Variants in ADARB2 observed in about 807,000 individuals in gnomAD.
ADARB2 encodes the protein adenosine deaminase RNA specific B2 (inactive).
A neutral mutation model predicts 62.2 loss-of-function variants in ADARB2; 25 were observed. The ratio of observed to expected loss-of-function variants is 0.40; its 90% CI spans 0.29 to 0.56. The LOEUF (loss-of-function observed/expected upper bound fraction) is 0.56. Ranked by LOEUF, ADARB2 falls within the 20% of genes least tolerant of loss-of-function variation. The pLI is 0.43. For synonymous variants in ADARB2, 572 were observed against 500.8 expected (o/e 1.14, Z -1.90); for missense variants, 1,071 against 1,077.4 (o/e 0.99, Z 0.08).
chr10:1,626,222 G>A (rs1333791254), intron 1 of ADARB2, among the ~76,000 whole-genome samples: 1 of 144,152 alleles, frequency 6.9e-6, no homozygotes, highest in African/African-American at 2.7e-5. Context: ...ATGGACACAG[G>A]CCTCCACTGG....
intron 1 of ADARB2, among the ~76,000 whole-genome samples, chr10:1,422,114 C>T (rs1832856959): frequency 6.6e-6 from 1 of 152,226 alleles, no homozygotes. Context: ...TGGCAACAGA[C>T]TTGGCTCTTA....
chr10:1,715,070 C>T (rs1835001581), intron 1 of ADARB2, among the ~76,000 whole-genome samples: 1 of 145,372 alleles, frequency 6.9e-6, no homozygotes, highest in Non-Finnish European at 1.5e-5. Context: ...ATCATCATAG[C>T]CAATTAGTGA....
At chr10:1,215,423 A>G (rs1318666451) in intron 7 of ADARB2, among the ~76,000 whole-genome samples, 1 of 152,168 alleles carries the variant, frequency 6.6e-6, no homozygotes, top group African/African-American at 2.4e-5. Flanking sequence ...CCTCCATGCA[A>G]GCATCAGAGG....
intron 1 of ADARB2, among the ~76,000 whole-genome samples, chr10:1,676,664 T>C (rs1834470176): frequency 6.6e-6 from 1 of 152,206 alleles, no homozygotes; most frequent in Admixed American, 6.5e-5. Flanking sequence ...CCCTGTCATT[T>C]TTATCTCAAT....
At chr10:1,528,883 G>A (rs1051576574) in intron 1 of ADARB2, among the ~76,000 whole-genome samples, 12 of 152,176 alleles carry the variant, frequency 7.9e-5, no homozygotes, top group Non-Finnish European at 2.9e-5. Context: ...AGCGGGATCT[G>A]CCCTCTATGA....
intron 1 of ADARB2, among the ~76,000 whole-genome samples, chr10:1,561,813 C>T (rs1398811176): frequency 2.6e-5 from 4 of 152,204 alleles, no homozygotes; most frequent in African/African-American, 7.2e-5. Context: ...GGCCTAGAGC[C>T]GCTTTCCCCA....
intron 7 of ADARB2, among the ~76,000 whole-genome samples, chr10:1,213,264 TAGAGACAGACAGGG>T (rs1837184396): frequency 6.7e-6 from 1 of 150,100 alleles, no homozygotes; most frequent in Non-Finnish European, 1.5e-5. Flanking sequence ...GAGACAAAGC[TAGAGACAGACAGGG>T]AGAGAGATAC....
At chr10:1,496,130 TTA>T (rs1434871400) in intron 1 of ADARB2, among the ~76,000 whole-genome samples, 8 of 149,620 alleles carry the variant, frequency 5.3e-5, no homozygotes, top group African/African-American at 1.7e-4. Context: ...TATCGTTATC[TTA>T]GTCATCATAA....
intron 1 of ADARB2, among the ~76,000 whole-genome samples, chr10:1,672,574 C>T (rs1440382785): frequency 1.3e-5 from 2 of 152,144 alleles, no homozygotes; most frequent in Non-Finnish European, 2.9e-5. Flanking sequence ...CCCCCATGCA[C>T]GCGCTTCGCC....
At chr10:1,285,726 T>C (rs553815439) in intron 3 of ADARB2, among the ~76,000 whole-genome samples, 3 of 152,336 alleles carry the variant, frequency 2.0e-5, no homozygotes, top group Admixed American at 6.5e-5. Context: ...TTATTCACAT[T>C]GGAAAATGAA....
intron 4 of ADARB2, among the ~76,000 whole-genome samples, chr10:1,243,285 G>A (rs566852755): frequency 5.9e-5 from 9 of 152,390 alleles, no homozygotes; most frequent in African/African-American, 1.9e-4. Flanking sequence ...AGACGCGTTA[G>A]CCGCTGACCG....
chr10:1,601,703 C>T (rs781123745), intron 1 of ADARB2, among the ~76,000 whole-genome samples: 3 of 152,160 alleles, frequency 2.0e-5, no homozygotes, highest in Admixed American at 6.5e-5. Flanking sequence ...GTGCTCCTGA[C>T]GACAGCCACC....
At chr10:1,610,398 T>A (rs1833553133) in intron 1 of ADARB2, among the ~76,000 whole-genome samples, 1 of 152,220 alleles carries the variant, frequency 6.6e-6, no homozygotes, top group African/African-American at 2.4e-5. Flanking sequence ...CACTCAGTGA[T>A]GAACATTGCA....
chr10:1,491,975 T>A, intron 1 of ADARB2, among the ~76,000 whole-genome samples: 1 of 152,242 alleles, frequency 6.6e-6, no homozygotes, highest in East Asian at 1.9e-4. Flanking sequence ...GAGTTATTGT[T>A]ATGTATCTCT....
chr10:1,609,385 G>C (rs138042968), intron 1 of ADARB2, among the ~76,000 whole-genome samples: 11 of 152,338 alleles, frequency 7.2e-5, no homozygotes, highest in Non-Finnish European at 1.5e-4. Flanking sequence ...GTGCCAGGAG[G>C]CTGCGTGCCT....
chr10:1,458,033 G>A (rs1286890349), intron 1 of ADARB2, among the ~76,000 whole-genome samples: 14 of 151,350 alleles, frequency 9.3e-5, no homozygotes, highest in Non-Finnish European at 5.9e-5. Flanking sequence ...TTTAAATATC[G>A]AAGTTCCCCA....
intron 4 of ADARB2, among the ~76,000 whole-genome samples, chr10:1,244,219 G>A (rs1251603622): frequency 6.6e-6 from 1 of 152,244 alleles, no homozygotes; most frequent in Admixed American, 6.5e-5. Context: ...AGTGACATGT[G>A]GACTGTTGAG....
intron 1 of ADARB2, among the ~76,000 whole-genome samples, chr10:1,634,464 G>T (rs1300428141): frequency 6.6e-6 from 1 of 152,162 alleles, no homozygotes; most frequent in African/African-American, 2.4e-5. Flanking sequence ...AGGAGGGGCG[G>T]CCGGCTGGCC....
At chr10:1,304,925 G>A (rs1831611833) in intron 3 of ADARB2, among the ~76,000 whole-genome samples, 1 of 131,068 alleles carries the variant, frequency 7.6e-6, no homozygotes, top group Non-Finnish European at 1.7e-5. Flanking sequence ...GAGAAAGCAG[G>A]AAAGATCCAA....
Sources: allele counts gnomAD v4.1 joint callset (sites outside exome capture counted in the v4.1 genomes callset), GRCh38; gene constraint gnomAD v4.1.1; transcripts MANE v1.5; gene names NCBI Gene and HGNC (gene_info 2026-07-23, HGNC 2026-07-21).